TTC34: variants seen among roughly 807,000 people sequenced by gnomAD.
The protein encoded by TTC34 is tetratricopeptide repeat domain 34.
Under a neutral mutation model 40.7 loss-of-function variants are expected in TTC34, and 44 were observed. The observed-to-expected ratio is 1.08, with a 90% CI of 0.85 to 1.39. The LOEUF is 1.39. TTC34 is among the 40% of genes most tolerant of loss of function. TTC34 has a pLI of 0.00. For missense variants in TTC34, 884 were observed against 838.0 expected, an observed-to-expected ratio of 1.05 and a Z score of -0.68; for synonymous variants, 422 against 398.6, an observed-to-expected ratio of 1.06 and a Z score of -0.70.
chr1:2,698,702 T>C (rs1177371265), intron 6 of TTC34, among the ~76,000 whole-genome samples: 394 of 74,244 alleles, frequency 5.3e-3, no homozygotes, highest in Middle Eastern at 0.015. Context: ...AGGTGAGCAT[T>C]CGACAGCCTG....
intron 6 of TTC34, among the ~76,000 whole-genome samples, chr1:2,755,473 C>T (rs1641473458): frequency 1.3e-5 from 1 of 76,944 alleles, no homozygotes; most frequent in Non-Finnish European, 2.2e-5. Context: ...CCCAGGTGAA[C>T]ATCCGACATC....
intron 6 of TTC34, among the ~76,000 whole-genome samples, chr1:2,688,401 C>G: frequency 1.3e-5 from 2 of 151,652 alleles, no homozygotes; most frequent in African/African-American, 2.4e-5. Flanking sequence ...CCTGGAACAG[C>G]ACCCACACCC....
intron 6 of TTC34, among the ~76,000 whole-genome samples, chr1:2,655,514 G>T (rs1639312889): frequency 1.4e-5 from 2 of 141,284 alleles, no homozygotes; most frequent in Non-Finnish European, 3.0e-5. Context: ...GCATCTGACA[G>T]GCTGGAGCAG....
chr1:2,652,475 G>GC (rs1639177627), intron 6 of TTC34, among the ~76,000 whole-genome samples: 3 of 115,874 alleles, frequency 2.6e-5, no homozygotes, highest in Admixed American at 9.1e-5. Context: ...GCCTGGAGCA[G>GC]AACCCACACC....
intron 6 of TTC34, among the ~76,000 whole-genome samples, chr1:2,778,905 A>G (rs1643420746): frequency 6.6e-6 from 1 of 151,160 alleles, no homozygotes; most frequent in Non-Finnish European, 1.5e-5. Flanking sequence ...TTAAATACTA[A>G]CTCTCCGTTC....
intron 6 of TTC34, among the ~76,000 whole-genome samples, chr1:2,685,213 C>G (rs1570810156): frequency 7.3e-6 from 1 of 137,222 alleles, no homozygotes. Context: ...AGGTGAGCAT[C>G]TGACATCGTG....
At chr1:2,800,649 G>C (rs1643761608) in exon 2 of TTC34, 1 of 398,368 alleles carries the variant, frequency 2.5e-6, no homozygotes, top group Non-Finnish European at 4.4e-6. Flanking sequence ...CTCCAGGGTG[G>C]CCACCACCGC....
intron 6 of TTC34, among the ~76,000 whole-genome samples, chr1:2,675,585 C>A (rs1639881114): frequency 6.9e-6 from 1 of 145,268 alleles, no homozygotes; most frequent in African/African-American, 2.6e-5. Flanking sequence ...ATCTGACGGC[C>A]TGGAACGGCA....
chr1:2,652,105 A>T (rs56352113), intron 6 of TTC34, among the ~76,000 whole-genome samples: 6 of 3,346 alleles, frequency 1.8e-3, no homozygotes, highest in Admixed American at 3.3e-3. Flanking sequence ...CATCTGACAG[A>T]CTGGAACAGC....
At chr1:2,674,619 T>G (rs1298790635) in intron 6 of TTC34, among the ~76,000 whole-genome samples, 8 of 6,412 alleles carry the variant, frequency 1.2e-3, no homozygotes, top group East Asian at 3.3e-3. Flanking sequence ...GCATCTGACA[T>G]CGTGGAGCAG....
At position 2,677,771 on chromosome 1, in the gene TTC34, C is replaced by T. The variant is rs1323594335; in HGVS notation, c.2227-32208G>A. 1.8e-3 allele frequency among the ~76,000 whole-genome samples: 118 copies of T among 65,878 alleles called. 1 individual carries two copies. The highest frequency in any genetic ancestry group is 2.6e-3 in the Admixed American group (19 of 7,262). 43.2% of individuals were successfully genotyped at this position (65,878 alleles called of 152,430 possible). On this transcript the variant is annotated intron_variant, in intron 6 of 8. Transcript: ENST00000401095. ...CTGACAGCCTGGAACAGCACCCACACCCCCAGGTGAGCATCTGACCGCATC... is the reference window on the plus strand; with the variant it reads ...CTGACAGCCTGGAACAGCACCCACATCCCCAGGTGAGCATCTGACCGCATC...
chr1:2,647,926 T>A (rs1210738181), intron 6 of TTC34, among the ~76,000 whole-genome samples: 1 of 152,236 alleles, frequency 6.6e-6, no homozygotes, highest in African/African-American at 2.4e-5. Context: ...GTTTCCAATC[T>A]GCTGTTGTGC....
chr1:2,642,011 G>T, intron 8 of TTC34, 116 bp from the exon 9 acceptor site: 1 of 1,196,252 alleles, frequency 8.4e-7, no homozygotes, highest in Non-Finnish European at 1.1e-6. Flanking sequence ...CCTGGGGATG[G>T]CGGGGCCCTG....
chr1:2,785,691 G>A (rs1167077761), intron 5 of TTC34, 128 bp downstream of exon 5: 16 of 1,068,670 alleles, frequency 1.5e-5, no homozygotes, highest in South Asian at 1.0e-4. Context: ...TGTCCAACCC[G>A]TGGGTGTTCC....
chr1:2,691,235 T>A (rs796614164), intron 6 of TTC34, among the ~76,000 whole-genome samples: 22 of 78,494 alleles, frequency 2.8e-4, no homozygotes, highest in East Asian at 9.3e-4. Context: ...CAGGTGAGCA[T>A]CTGACAGCCT....
At chr1:2,676,990 C>T (rs1385359647) in intron 6 of TTC34, among the ~76,000 whole-genome samples, 6 of 116,360 alleles carry the variant, frequency 5.2e-5, no homozygotes, top group East Asian at 2.2e-4. Context: ...CATCCGACAG[C>T]CTGGAGCAGC....
intron 6 of TTC34, among the ~76,000 whole-genome samples, chr1:2,751,384 A>C (rs1258666715): frequency 8.6e-3 from 871 of 100,994 alleles, no homozygotes; most frequent in East Asian, 0.017. Flanking sequence ...TGCGCATCTG[A>C]TGGTCTGGAG....
rs1369539079 is a variant in TTC34, at chr1:2,694,602, C to A, written c.2227-49039G>T. ...AACAGTACCCACACCCACAGGCGAG[C>A]ATCTGAAACCACGGAGCAGCACCCA... On this transcript the variant is annotated intron_variant, in intron 6 of 8. Coordinates refer to ENST00000401095, the Ensembl canonical transcript of TTC34. 2.2e-5 allele frequency among the ~76,000 whole-genome samples: 2 copies of A among 89,804 alleles called. 1 individual carries two copies. The highest frequency in any genetic ancestry group is 7.8e-5 in the African/African-American group (2 of 25,706). 58.9% of individuals were successfully genotyped at this position (89,804 alleles called of 152,430 possible).
intron 6 of TTC34, among the ~76,000 whole-genome samples, chr1:2,684,920 C>G (rs1640255349): frequency 7.3e-6 from 1 of 137,760 alleles, no homozygotes; most frequent in African/African-American, 3.0e-5. Context: ...CCCTGCACAC[C>G]CAGGTGAGCA....
Sources: gnomAD v4.1 joint callset for allele counts (sites outside exome capture counted in the v4.1 genomes callset) on GRCh38, gnomAD v4.1.1 for gene constraint, MANE v1.5 for transcripts, NCBI Gene and HGNC (gene_info 2026-07-23, HGNC 2026-07-21) for gene names.